Variants in RINT1 observed in about 807,000 individuals in gnomAD.
The protein encoded by RINT1 is RAD50-interacting protein 1.
Under a neutral mutation model 97.7 loss-of-function variants are expected in RINT1, and 75 were observed. The ratio of observed to expected loss-of-function variants is 0.77; its 90% CI spans 0.64 to 0.93. RINT1 has a LOEUF of 0.93. RINT1 is among the 40% of genes least tolerant of loss of function. RINT1 has a pLI of 0.00. For synonymous variants in RINT1, 303 were observed against 326.3 expected, an observed-to-expected ratio of 0.93 and a Z score of 0.77; for missense variants, 892 against 925.2, an observed-to-expected ratio of 0.96 and a Z score of 0.47.
chr7:105,564,748 C>G (rs1299448571), intron 12 of RINT1, among the ~76,000 whole-genome samples: 1 of 152,152 alleles, frequency 6.6e-6, no homozygotes, highest in Non-Finnish European at 1.5e-5. Context: ...CACCTGTAAT[C>G]CCAGCACTTT....
Position 105,550,346 on chromosome 7 carries a change from T to G in RINT1, c.1193T>G (p.Phe398Cys). The stretch of plus-strand genomic sequence containing the variant: ...TGTCTGCTATATGATGACAATCTCT[T>G]CTGTCATTTGGTGGATGAAGTACTC... ...IPCLLYDDNLFCHLVDEVLLF... is the reference protein window; with the variant it reads ...IPCLLYDDNLCCHLVDEVLLF... The change falls in exon 9 of 15, where the codon TTC (phenylalanine) becomes TGC (cysteine). Residue 398 changes from phenylalanine (F) to cysteine (C), a missense_variant. Coordinates refer to ENST00000257700, the MANE Select transcript of RINT1 (RefSeq NM_021930.6). 1 of 1,614,070 alleles carries G rather than the reference T, an allele frequency of 6.2e-7. No individual in the cohort carries two copies. The highest frequency in any genetic ancestry group is 1.1e-5 in the South Asian group (1 of 91,076).
intron 3 of RINT1, among the ~76,000 whole-genome samples, chr7:105,541,004 T>A (rs888470471): frequency 1.3e-5 from 2 of 151,562 alleles, no homozygotes; most frequent in African/African-American, 4.9e-5. Context: ...GCTCAGCTAA[T>A]TTTTTTGTAT....
At chr7:105,565,733 G>T in intron 14 of RINT1, 85 bp downstream of exon 14, 1 of 866,090 alleles carries the variant, frequency 1.2e-6, no homozygotes, top group Admixed American at 2.3e-5. Flanking sequence ...TTCTGGAGAT[G>T]TTTGGGTGGG....
chr7:105,536,605 C>A lies in RINT1; in HGVS notation c.129C>A (p.Val43=). 22 of 1,604,738 alleles carry A rather than the reference C, an allele frequency of 1.4e-5. No individual in the cohort carries two copies. Among genetic ancestry groups the A allele is most frequent in the Non-Finnish European group, 1.9e-5 (22 of 1,176,416 alleles). ...CAGTTCTTATTGGAAGTAAACAAGT[C>A]AGTGAAGGTACAGATAATGGTGATC... ...NVTVLIGSKQ[V]SEGTDNGDLP... The change falls in exon 3 of 15, where the codon GTC becomes GTA. Residue 43 remains valine, a synonymous_variant. Coordinates refer to ENST00000257700, the MANE Select transcript of RINT1 (RefSeq NM_021930.6).
At chr7:105,542,320 G>A (rs928945621) in intron 3 of RINT1, 88 bp from the exon 4 acceptor site, 26 of 989,046 alleles carry the variant, frequency 2.6e-5, no homozygotes, top group African/African-American at 8.2e-5. Context: ...GGGCAACAGC[G>A]TGAGATCCCC....
Position 105,546,968 on chromosome 7 carries a change from G to A in RINT1, c.574G>A (p.Val192Met), listed in dbSNP as rs758911071. 1.9e-6 allele frequency: 3 copies of A among 1,613,916 alleles called. No homozygotes were observed. Among genetic ancestry groups the A allele is most frequent in the Admixed American group, 3.3e-5 (2 of 59,998 alleles). Residue 192 changes from valine (V) to methionine (M), a missense_variant, in exon 5 of 15, where the codon GTG (valine) becomes ATG (methionine). By Grantham distance (21) the Val-to-Met change is conservative. Coordinates refer to ENST00000257700, the MANE Select transcript of RINT1 (RefSeq NM_021930.6). ...NNVPEAASTL[V>M]SMAELDIKLQ... is the part of the protein sequence containing the mutation. ...TGTACCGGAGGCAGCCTCCACTCTA[G>A]TGTCTATGGCAGAACTTGACATTAA...
At chr7:105,554,669 AC>A (rs1791097018) in intron 10 of RINT1, among the ~76,000 whole-genome samples, 1 of 151,344 alleles carries the variant, frequency 6.6e-6, no homozygotes, top group South Asian at 2.1e-4. Context: ...TGAACTCCTG[AC>A]CTCAGTTGAT....
intron 2 of RINT1, among the ~76,000 whole-genome samples, chr7:105,536,024 A>G (rs1586215250): frequency 6.6e-6 from 1 of 152,266 alleles, no homozygotes; most frequent in East Asian, 1.9e-4. Context: ...TAGTTGTTTG[A>G]TAGAGTGCTT....
rs745420669 is a variant in RINT1 at position 105,536,654 on chromosome 7, A to T, written c.178A>T (p.Ile60Leu). Residue 60 changes from isoleucine (I) to leucine (L), a missense_variant, in exon 3 of 15, where the codon ATA (isoleucine) becomes TTA (leucine). By Grantham distance (5) the Ile-to-Leu change is conservative (BLOSUM62 2). Transcript: ENST00000257700. ...TCTCCCTTCTTATGTGTCTGCATTC[A>T]TAGAAAAGGAAGTTGGAAATGACCT... ...GDLPSYVSAF[I>L]EKEVGNDLKS... 1 of 1,612,954 alleles carries T rather than the reference A, an allele frequency of 6.2e-7. No individual in the cohort carries two copies. Among genetic ancestry groups the T allele is most frequent in the East Asian group, 2.2e-5 (1 of 44,826 alleles).
intron 3 of RINT1, among the ~76,000 whole-genome samples, chr7:105,539,899 G>A (rs972594584): frequency 2.0e-5 from 3 of 152,158 alleles, no homozygotes; most frequent in African/African-American, 2.4e-5. Context: ...GTGACCTGAA[G>A]GACGGATGCT....
In RINT1 at chr7:105,563,623, T is replaced by G. The variant is rs1224488924; in HGVS notation, c.1672-110T>G. The stretch of plus-strand genomic sequence containing the variant: ...CTGGGATTACAGGCATGAGCCACCG[T>G]GCCCGGTCGAATTATACACTTTAAA... On this transcript the variant is annotated intron_variant, in intron 11 of 14. Transcript: ENST00000257700. 4.5e-6 allele frequency: 4 copies of G among 884,920 alleles called. No individual in the cohort carries two copies. The Admixed American group carries it at 9.7e-5, about 21-fold the overall frequency. The allele number at this position is 884,920 out of a possible 1,614,324, so 54.8% of individuals were successfully genotyped here.
At chr7:105,562,779 C>T (rs767866739) in intron 11 of RINT1, among the ~76,000 whole-genome samples, 3 of 151,968 alleles carry the variant, frequency 2.0e-5, no homozygotes, top group Admixed American at 6.6e-5. Context: ...GGCACACGCC[C>T]GTAATCCCAG....
intron 7 of RINT1, among the ~76,000 whole-genome samples, chr7:105,549,833 C>T (rs1442517966): frequency 6.6e-6 from 1 of 152,064 alleles, no homozygotes; most frequent in African/African-American, 2.4e-5. Flanking sequence ...AGTTTATTGA[C>T]TTAAGTCATA....
In RINT1 at chr7:105,567,103, T is replaced by G; in HGVS notation, c.2187-16T>G. Reference sequence around the variant, plus strand: ...TAATGGAGATCTCATTTCCCTCCTTTGTTTTCCCTAAACAGTATAAAAGAA... The same window carrying G: ...TAATGGAGATCTCATTTCCCTCCTTGGTTTTCCCTAAACAGTATAAAAGAA... On this transcript the variant is annotated splice_polypyrimidine_tract_variant and intron_variant, in intron 14 of 14. Transcript: ENST00000257700. 1 of 1,466,754 alleles carries G rather than the reference T, an allele frequency of 6.8e-7. No homozygotes were observed. The highest frequency in any genetic ancestry group is 1.5e-5 in the South Asian group (1 of 66,154). 90.9% of individuals were successfully genotyped at this position (1,466,754 alleles called of 1,614,324 possible).
In RINT1 at chr7:105,551,672, C is replaced by T; in HGVS notation, c.1436C>T (p.Ala479Val). 2 of 1,611,528 alleles carry T rather than the reference C, an allele frequency of 1.2e-6. No homozygotes were observed. Among genetic ancestry groups the T allele is most frequent in the Non-Finnish European group, 1.7e-6 (2 of 1,178,722 alleles). The stretch of plus-strand genomic sequence containing the variant: ...GATGAAATGAAAGTTCCAGATTGTG[C>T]AGAAACTTTTATGACTCTACTCTTG... The part of the protein sequence containing the change: ...DVDEMKVPDC[A>V]ETFMTLLLVI... The change falls in exon 10 of 15, where the codon GCA becomes GTA. Residue 479 changes from alanine (A) to valine (V), a missense_variant. Ala to Val is a moderately conservative substitution (Grantham distance 64). Transcript: ENST00000257700.
At chr7:105,549,957 T>G (rs1586240395) in intron 7 of RINT1, 98 bp from the exon 8 acceptor site, 1 of 711,680 alleles carries the variant, frequency 1.4e-6, no homozygotes, top group African/African-American at 1.8e-5. Context: ...CAACTAATTT[T>G]TATAAGTGTT....
chr7:105,560,251 A>G lies in RINT1; in HGVS notation c.1672-3482A>G, dbSNP rs1040099801. On this transcript the variant is annotated intron_variant, in intron 11 of 14. Transcript: ENST00000257700. ...GTGCCTCTCATATGTCCATCTCTGAACAATTACTAGTGCAGCCAGGGCATG... is the reference window on the plus strand; with the variant it reads ...GTGCCTCTCATATGTCCATCTCTGAGCAATTACTAGTGCAGCCAGGGCATG... Among the ~76,000 whole-genome samples the G allele has an allele frequency of 3.3e-5, 5 of 152,186 alleles. No individual in the cohort carries two copies. In the South Asian group the frequency reaches 6.2e-4, roughly 19 times the overall value.
At chr7:105,538,872 T>A (rs1010803820) in intron 3 of RINT1, among the ~76,000 whole-genome samples, 1 of 152,160 alleles carries the variant, frequency 6.6e-6, no homozygotes, top group African/African-American at 2.4e-5. Context: ...CTCAGTAAAC[T>A]TGTGTCACTC....
At chr7:105,554,626 G>C (rs2133424247) in intron 10 of RINT1, among the ~76,000 whole-genome samples, 1 of 151,974 alleles carries the variant, frequency 6.6e-6, no homozygotes, top group East Asian at 1.9e-4. Flanking sequence ...TTTTGGTAGA[G>C]ATGAGGTGTC....
Sources: gnomAD v4.1 joint callset for allele counts (sites outside exome capture counted in the v4.1 genomes callset) on GRCh38, gnomAD v4.1.1 for gene constraint, MANE v1.5 for transcripts, NCBI Gene and HGNC (gene_info 2026-07-23, HGNC 2026-07-21) for gene names.